The following RAPGEF6 variants were observed in gnomAD, a reference collection of about 807,000 sequenced individuals.
RAPGEF6 encodes the protein PDZ domain containing guanine nucleotide exchange factor (GEF) 2.
A neutral mutation model predicts 171.4 loss-of-function variants in RAPGEF6; 56 were observed. The observed-to-expected ratio is 0.33, with a 90% confidence interval of 0.26 to 0.41. RAPGEF6 has a LOEUF of 0.41. RAPGEF6 is among the 10% of genes least tolerant of loss of function. The pLI is 1.00. For missense variants in RAPGEF6, 1,674 were observed against 1,921.4 expected (o/e 0.87, Z 2.41); for synonymous variants, 692 against 650.1 (o/e 1.06, Z -0.98).
intron 1 of RAPGEF6, among the ~76,000 whole-genome samples, chr5:131,630,404 C>T (rs1766228198): frequency 6.6e-6 from 1 of 152,208 alleles, no homozygotes; most frequent in South Asian, 2.1e-4. Flanking sequence ...ACGTGACTCA[C>T]TTTATTGGGA....
intron 1 of RAPGEF6, among the ~76,000 whole-genome samples, chr5:131,619,896 G>T (rs1336282880): frequency 6.6e-6 from 1 of 152,178 alleles, no homozygotes; most frequent in Non-Finnish European, 1.5e-5. Context: ...TGTGACATTA[G>T]ACTAATTAAT....
intron 1 of RAPGEF6, among the ~76,000 whole-genome samples, chr5:131,614,504 T>G (rs1174609457): frequency 1.3e-5 from 2 of 152,064 alleles, no homozygotes; most frequent in African/African-American, 4.8e-5. Flanking sequence ...ACAAAAGTGC[T>G]ACATGCTTTT....
chr5:131,449,949 A>T, intron 21 of RAPGEF6: 1 of 1,418,088 alleles, frequency 7.1e-7, no homozygotes, highest in Middle Eastern at 1.7e-4. Flanking sequence ...ATGTGCGTGC[A>T]TTAATGAAAA....
chr5:131,592,457 C>T lies in RAPGEF6; in HGVS notation c.207G>A (p.Thr69=), dbSNP rs1221927949. 9 of 1,613,054 alleles carry T rather than the reference C, an allele frequency of 5.6e-6. No individual in the cohort carries two copies. Among genetic ancestry groups the T allele is most frequent in the South Asian group, 5.5e-5 (5 of 90,984 alleles). The change falls in exon 4 of 28, where the codon ACG becomes ACA. Residue 69 remains threonine (T), a synonymous_variant. Coordinates refer to ENST00000509018, the MANE Select transcript of RAPGEF6 (RefSeq NM_016340.6). ...SGNQVLFCSE[T]IARCWYILLS... is the part of the protein sequence containing the mutation. ...GTAGGATATACCAACATCTGGCAATCGTTTCTGAACTGTTTAAATAAATAA... is the reference window on the plus strand; with the variant it reads ...GTAGGATATACCAACATCTGGCAATTGTTTCTGAACTGTTTAAATAAATAA...
rs1317510523 is a variant in RAPGEF6, at chr5:131,423,957, A to C, written c.*3309T>G. Reference sequence around the variant, plus strand: ...TCTTTATTGATTCCACCAATGTATTAGTAGATATGATAATAATAAATGGTA... The same window carrying C: ...TCTTTATTGATTCCACCAATGTATTCGTAGATATGATAATAATAAATGGTA... On this transcript the variant is annotated 3_prime_UTR_variant, in exon 28 of 28. Transcript: ENST00000509018. 1 of 152,316 alleles carries C rather than the reference A, an allele frequency of 6.6e-6. No individual in the cohort carries two copies. Among genetic ancestry groups the C allele is most frequent in the African/African-American group, 2.4e-5 (1 of 41,470 alleles). 9.4% of individuals were successfully genotyped at this position (152,316 alleles called of 1,614,324 possible).
chr5:131,614,280 T>TGAA (rs777754006), intron 1 of RAPGEF6, among the ~76,000 whole-genome samples: 1 of 5,796 alleles, frequency 1.7e-4, no homozygotes, highest in African/African-American at 9.1e-4. Context: ...AGACTCTGTC[T>TGAA]CAAAAAAAAA....
In RAPGEF6 at chr5:131,548,052, G is replaced by T. The variant is rs1044602018; in HGVS notation, c.490C>A (p.Leu164Ile). ...GTGTTCCTAAATATACTCACAGAAA[G>T]ATAGCTGTTAACCTCCACATCATCA... is the stretch of plus-strand genomic sequence containing the variant. ...ITDDVEVNSY[L>I]SLPADLTKMH... Residue 164 changes from leucine to isoleucine, a missense_variant, in exon 6 of 28, where the codon CTT becomes ATT. By Grantham distance (5) the Leu-to-Ile change is conservative. Around this residue, in one of 3 missense-constraint regions of RAPGEF6, gnomAD observed 1,116 missense variants for 1,321.5 expected, o/e 0.84. Transcript: ENST00000509018. 2.5e-6 allele frequency: 4 copies of T among 1,613,282 alleles called. No individual in the cohort carries two copies. The highest frequency in any genetic ancestry group is 2.5e-6 in the Non-Finnish European group (3 of 1,179,766).
intron 22 of RAPGEF6, among the ~76,000 whole-genome samples, chr5:131,442,781 TA>T (rs1307534728): frequency 6.6e-6 from 1 of 152,182 alleles, no homozygotes; most frequent in African/African-American, 2.4e-5. Context: ...ATCTCCTAAA[TA>T]AATCTTTTTA....
At chr5:131,491,060 G>A (rs1338274679) in intron 14 of RAPGEF6, among the ~76,000 whole-genome samples, 1 of 152,140 alleles carries the variant, frequency 6.6e-6, no homozygotes, top group Non-Finnish European at 1.5e-5. Flanking sequence ...TTTCACGTGT[G>A]TGTGTGTGTG....
Position 131,481,616 on chromosome 5 carries a change from G to A in RAPGEF6, c.1841-1863C>T, listed in dbSNP as rs551846979. 1.3e-4 allele frequency among the ~76,000 whole-genome samples: 20 copies of A among 152,304 alleles called. No individual in the cohort carries two copies. In the South Asian group the frequency reaches 3.9e-3, roughly 30 times the overall value. On this transcript the variant is annotated intron_variant, in intron 15 of 27. Coordinates refer to ENST00000509018, the MANE Select transcript of RAPGEF6 (RefSeq NM_016340.6). ...TGCAGGTACATTTGGGAAATTACCT[G>A]TTTAGCAATCTATTTGCCTACACCA...
intron 1 of RAPGEF6, among the ~76,000 whole-genome samples, chr5:131,618,333 AG>A (rs767715688): frequency 6.6e-6 from 1 of 152,166 alleles, no homozygotes; most frequent in Non-Finnish European, 1.5e-5. Context: ...AAAGAAATAT[AG>A]AATCAGAAAA....
chr5:131,482,841 G>T (rs1358910045), intron 15 of RAPGEF6, among the ~76,000 whole-genome samples: 2 of 152,142 alleles, frequency 1.3e-5, no homozygotes, highest in East Asian at 3.9e-4. Flanking sequence ...CTAGGCAAAG[G>T]ATGAGTAATC....
rs564255003 is a variant in RAPGEF6 at position 131,455,076 on chromosome 5, A to G, written c.3076+725T>C. 3.9e-4 allele frequency among the ~76,000 whole-genome samples: 60 copies of G among 152,370 alleles called. 1 individual carries two copies. Among genetic ancestry groups the G allele is most frequent in the Non-Finnish European group, 7.5e-4 (51 of 68,036 alleles). On this transcript the variant is annotated intron_variant, in intron 20 of 27. Coordinates refer to ENST00000509018, the MANE Select transcript of RAPGEF6 (RefSeq NM_016340.6). ...TAAGGAGAATACTAAACAGTGTTCT[A>G]TAAGGCCGAAAAACTATGCCCAGCA...
intron 19 of RAPGEF6, among the ~76,000 whole-genome samples, chr5:131,457,405 C>T (rs1228717965): frequency 6.6e-6 from 1 of 152,194 alleles, no homozygotes; most frequent in Non-Finnish European, 1.5e-5. Context: ...CACAGTGATA[C>T]ACTTTGGTAC....
chr5:131,586,749 A>G (rs1349187599), intron 4 of RAPGEF6, among the ~76,000 whole-genome samples: 1 of 152,232 alleles, frequency 6.6e-6, no homozygotes, highest in Non-Finnish European at 1.5e-5. Flanking sequence ...TAAAGTAAAA[A>G]GACTTGTATT....
At chr5:131,612,201 A>ATTTTTTTTTTTTTTTT (rs35306366) in intron 1 of RAPGEF6, among the ~76,000 whole-genome samples, 2 of 83,326 alleles carry the variant, frequency 2.4e-5, no homozygotes, top group Non-Finnish European at 2.3e-5. Flanking sequence ...TGCTCAGCTA[A>ATTTTTTTTTTTTTTTT]TTTTTTTTTT....
At position 131,425,530 on chromosome 5, in the gene RAPGEF6, A is replaced by G. The variant is rs1280051065; in HGVS notation, c.*1736T>C. The stretch of plus-strand genomic sequence containing the variant: ...TTCAAAGGACCAAGAAAGCTATGGA[A>G]CCACCAAGCCTCATTCTATCATACC... On this transcript the variant is annotated 3_prime_UTR_variant, in exon 28 of 28. Coordinates refer to ENST00000509018, the MANE Select transcript of RAPGEF6 (RefSeq NM_016340.6). The G allele has an allele frequency of 6.6e-6, 1 of 152,356 alleles. No homozygotes were observed. The highest frequency in any genetic ancestry group is 1.5e-5 in the Non-Finnish European group (1 of 68,034). 9.4% of individuals were successfully genotyped at this position (152,356 alleles called of 1,614,324 possible).
rs567619726 is a variant in RAPGEF6 at position 131,437,333 on chromosome 5, G to C, written c.3745+2248C>G. Reference sequence around the variant, plus strand: ...TGAGTGTAGATTTTGTTGGGAATAAGAGCAATGGAGGAATTCCTGTTTCTA... The same window carrying C: ...TGAGTGTAGATTTTGTTGGGAATAACAGCAATGGAGGAATTCCTGTTTCTA... On this transcript the variant is annotated intron_variant, in intron 24 of 27. Transcript: ENST00000509018. 4.6e-5 allele frequency among the ~76,000 whole-genome samples: 7 copies of C among 151,262 alleles called. No homozygotes were observed. In the East Asian group the frequency reaches 1.4e-3, roughly 29 times the overall value.
chr5:131,581,191 G>A (rs1159867824), intron 4 of RAPGEF6, among the ~76,000 whole-genome samples: 1 of 152,246 alleles, frequency 6.6e-6, no homozygotes, highest in African/African-American at 2.4e-5. Context: ...ACTCACTGCT[G>A]AAAAAGGAGG....
Sources: allele counts gnomAD v4.1 joint callset (sites outside exome capture counted in the v4.1 genomes callset), GRCh38; gene constraint gnomAD v4.1.1; regional missense constraint gnomAD v4.1.1; transcripts MANE v1.5; gene names NCBI Gene and HGNC (gene_info 2026-07-23, HGNC 2026-07-21).